PIK3C2A: variants seen among roughly 807,000 people sequenced by gnomAD.
PIK3C2A encodes phosphatidylinositol 4-phosphate 3-kinase C2 domain-containing subunit alpha.
A neutral mutation model predicts 204.5 loss-of-function variants in PIK3C2A; 97 were observed. The observed-to-expected ratio is 0.47, with a 90% CI of 0.40 to 0.56. PIK3C2A has a LOEUF of 0.56. Among genes scored for constraint, PIK3C2A ranks in the 20% least tolerant of loss-of-function variants. The pLI is 0.00. For synonymous variants in PIK3C2A, 653 were observed against 664.4 expected (o/e 0.98, Z 0.26); for missense variants, 1,735 against 1,969.2 (o/e 0.88, Z 2.25).
rs558176641 is a variant in PIK3C2A, at chr11:17,102,848, C to T, written c.3682-17G>A. ...CTCTGAAGCCTATAAAAAACATACA[C>T]AATTATTTTAGAAAATGAATTATTT... is the stretch of plus-strand genomic sequence containing the variant. On this transcript the variant is annotated splice_polypyrimidine_tract_variant and intron_variant, in intron 23 of 32. Transcript: ENST00000691414. 8.0e-6 allele frequency: 12 copies of T among 1,498,970 alleles called. No individual in the cohort carries two copies. The highest frequency in any genetic ancestry group is 5.6e-5 in the African/African-American group (4 of 71,196). 92.9% of individuals were successfully genotyped at this position (1,498,970 alleles called of 1,614,324 possible). A position where few individuals can be genotyped will look rare whatever the true frequency, so the allele number is the denominator to read the frequency against.
At chr11:17,185,345 TGTA>T (rs1463208802) in intron 1 of PIK3C2A, among the ~76,000 whole-genome samples, 5 of 152,210 alleles carry the variant, frequency 3.3e-5, no homozygotes, top group Non-Finnish European at 7.3e-5. Context: ...ACCCTAGGTG[TGTA>T]GTAGATTACA....
intron 8 of PIK3C2A, chr11:17,141,277 CT>C (rs575166051): frequency 0.048 from 6,393 of 133,646 alleles, 266 homozygotes; most frequent in African/African-American, 0.12. Context: ...TTTTCTTTTC[CT>C]TTTTTTTTTT....
chr11:17,161,942 C>G (rs554306013), intron 2 of PIK3C2A, among the ~76,000 whole-genome samples: 2 of 152,182 alleles, frequency 1.3e-5, no homozygotes, highest in Non-Finnish European at 2.9e-5. Context: ...TTCAGTTTAT[C>G]TCCCTATTTT....
chr11:17,194,636 G>A (rs11024186), intron 1 of PIK3C2A, among the ~76,000 whole-genome samples: 8,788 of 152,168 alleles, frequency 0.058, 845 homozygotes, highest in East Asian at 0.42. Context: ...CTAGCCTGGC[G>A]CAGTGGCTCA....
intron 14 of PIK3C2A, 38 bp downstream of exon 14, chr11:17,122,664 A>G: frequency 1.1e-6 from 1 of 918,456 alleles, no homozygotes. Flanking sequence ...GAAGAAATTT[A>G]AATGTACACC....
chr11:17,189,479 G>A (rs1851867522), intron 1 of PIK3C2A, among the ~76,000 whole-genome samples: 1 of 146,162 alleles, frequency 6.8e-6, no homozygotes, highest in Non-Finnish European at 1.5e-5. Flanking sequence ...GCTGGGCATG[G>A]TAGCACAGGC....
intron 1 of PIK3C2A, among the ~76,000 whole-genome samples, chr11:17,185,600 T>C (rs1178501054): frequency 6.6e-6 from 1 of 152,210 alleles, no homozygotes; most frequent in Non-Finnish European, 1.5e-5. Context: ...ACTCTCATCA[T>C]TGTATGCATA....
chr11:17,157,337 G>T (rs933283850), intron 2 of PIK3C2A, among the ~76,000 whole-genome samples: 2 of 151,836 alleles, frequency 1.3e-5, no homozygotes, highest in Non-Finnish European at 2.9e-5. Context: ...GCAAGTGCTT[G>T]TAATTCAAGC....
At chr11:17,097,027 A>C in intron 27 of PIK3C2A, 30 bp downstream of exon 27, 1 of 1,272,490 alleles carries the variant, frequency 7.9e-7, no homozygotes, top group Non-Finnish European at 1.1e-6. Context: ...TACATGCATG[A>C]TTGTTTATGA....
intron 1 of PIK3C2A, among the ~76,000 whole-genome samples, chr11:17,189,741 T>C (rs1303368175): frequency 7.6e-6 from 1 of 132,362 alleles, no homozygotes; most frequent in Non-Finnish European, 1.5e-5. Flanking sequence ...TGGAGAAGTA[T>C]GAAAAACTAA....
intron 8 of PIK3C2A, among the ~76,000 whole-genome samples, chr11:17,138,971 G>A (rs187911168): frequency 1.6e-3 from 239 of 151,978 alleles, no homozygotes; most frequent in Admixed American, 3.5e-3. Context: ...GCGATGGCGC[G>A]ATCTTGGCTC....
intron 32 of PIK3C2A, 40 bp downstream of exon 32, chr11:17,091,293 AT>A (rs773089355): frequency 2.6e-6 from 4 of 1,565,066 alleles, no homozygotes; most frequent in African/African-American, 2.8e-5. Flanking sequence ...AATTAAAAAA[AT>A]AATAAACCAA....
intron 1 of PIK3C2A, among the ~76,000 whole-genome samples, chr11:17,183,022 T>C (rs569032011): frequency 5.3e-5 from 8 of 152,288 alleles, no homozygotes; most frequent in Non-Finnish European, 1.2e-4. Flanking sequence ...GTATTTTTTG[T>C]AGAGATGAGG....
At chr11:17,112,484 TAAAC>T in intron 21 of PIK3C2A, 86 bp downstream of exon 21, 1 of 596,724 alleles carries the variant, frequency 1.7e-6, no homozygotes, top group Non-Finnish European at 3.0e-6. Context: ...AAAAAAATAT[TAAAC>T]AAAATCACCT....
intron 11 of PIK3C2A, among the ~76,000 whole-genome samples, chr11:17,134,161 T>C (rs1849793703): frequency 6.6e-6 from 1 of 152,182 alleles, no homozygotes; most frequent in Non-Finnish European, 1.5e-5. Context: ...AACTGGTTGC[T>C]GACATTTTAC....
chr11:17,185,847 C>T (rs1396969923), intron 1 of PIK3C2A, among the ~76,000 whole-genome samples: 2 of 152,128 alleles, frequency 1.3e-5, no homozygotes, highest in African/African-American at 2.4e-5. Flanking sequence ...TGTTTCCCTG[C>T]TACATTTATA....
At chr11:17,185,194 G>T (rs1851713229) in intron 1 of PIK3C2A, among the ~76,000 whole-genome samples, 1 of 152,062 alleles carries the variant, frequency 6.6e-6, no homozygotes, top group Non-Finnish European at 1.5e-5. Flanking sequence ...TCTATGTTTA[G>T]ATACGCAAAT....
rs144265032 is a variant in PIK3C2A at position 17,199,815 on chromosome 11, C to T, written c.-66+8033G>A. Among the ~76,000 whole-genome samples, 698 of 151,076 alleles carry T rather than the reference C, an allele frequency of 4.6e-3. 1 individual carries two copies. The highest frequency in any genetic ancestry group is 7.3e-3 in the Non-Finnish European group (499 of 67,892). ...TGGTACATGCCTGTAGTCCCAGCTA[C>T]TCGGGAGGCTGAGGCAGAATTGCTT... is the stretch of plus-strand genomic sequence containing the variant. On this transcript the variant is annotated intron_variant, in intron 1 of 32. Transcript: ENST00000691414.
At chr11:17,119,413 C>T in intron 16 of PIK3C2A, 100 bp from the exon 17 acceptor site, 1 of 714,104 alleles carries the variant, frequency 1.4e-6, no homozygotes, top group Admixed American at 2.5e-5. Context: ...ACAAAGAACA[C>T]TAAGATATCT....
Sources: allele counts gnomAD v4.1 joint callset (sites outside exome capture counted in the v4.1 genomes callset), GRCh38; gene constraint gnomAD v4.1.1; transcripts MANE v1.5; gene names NCBI Gene and HGNC (gene_info 2026-07-23, HGNC 2026-07-21).